Variants in ERCC6 observed in about 807,000 individuals in gnomAD.
The protein encoded by ERCC6 is ERCC excision repair 6, chromatin remodeling factor.
Under a neutral mutation model 158.7 loss-of-function variants are expected in ERCC6, and 116 were observed. The ratio of observed to expected loss-of-function variants is 0.73; its 90% CI spans 0.63 to 0.85. The LOEUF is 0.85. ERCC6 is among the 40% of genes least tolerant of loss of function. The pLI is 0.00. For missense variants in ERCC6, 1,698 were observed against 1,799.4 expected (o/e 0.94, Z 1.02); for synonymous variants, 678 against 659.3 (o/e 1.03, Z -0.43).
intron 5 of ERCC6, among the ~76,000 whole-genome samples, chr10:49,511,783 A>C (rs1476659860): frequency 3.3e-5 from 5 of 152,206 alleles, no homozygotes; most frequent in African/African-American, 1.2e-4. Flanking sequence ...GGTCACTAGA[A>C]GAGAACCCAA....
At chr10:49,437,272 C>G in the ERCC6 span, among the ~76,000 whole-genome samples, 18 of 152,220 alleles carry the variant, frequency 1.2e-4, no homozygotes, top group South Asian at 3.5e-3. Context: ...TATAAATTAC[C>G]CAGTCTCAGG....
intron 1 of ERCC6, among the ~76,000 whole-genome samples, chr10:49,538,049 C>A (rs1281272736): frequency 1.3e-5 from 2 of 152,226 alleles, no homozygotes; most frequent in African/African-American, 4.8e-5. Context: ...AAGGCTGGAA[C>A]ACCGAATTTT....
chr10:49,513,219 A>G (rs1374543701), intron 5 of ERCC6, among the ~76,000 whole-genome samples: 1 of 152,206 alleles, frequency 6.6e-6, no homozygotes, highest in Non-Finnish European at 1.5e-5. Flanking sequence ...CTACTCGGCT[A>G]GGCTCTGGCA....
chr10:49,460,776 C>A (rs935617493), intron 19 of ERCC6, among the ~76,000 whole-genome samples: 3 of 152,034 alleles, frequency 2.0e-5, no homozygotes, highest in African/African-American at 7.2e-5. Context: ...CAAAAATTAG[C>A]CTGGCATGGT....
At position 49,519,905 on chromosome 10, in the gene ERCC6, C is replaced by T. The variant is rs4253058; in HGVS notation, c.1397+4128G>A. Among the ~76,000 whole-genome samples the T allele has an allele frequency of 4.7e-3, 714 of 152,276 alleles. 5 individuals carry two copies. The highest frequency in any genetic ancestry group is 0.016 in the African/African-American group (647 of 41,544). ...AGCTCCTCCCACTCTGCACCTGCTG[C>T]CTCAGACTCCCCACGCTGAGCCCAG... On this transcript the variant is annotated intron_variant, in intron 5 of 20. Coordinates refer to ENST00000355832, the MANE Select transcript of ERCC6 (RefSeq NM_000124.4).
At chr10:49,440,504 G>C in the ERCC6 span, among the ~76,000 whole-genome samples, 1 of 152,168 alleles carries the variant, frequency 6.6e-6, no homozygotes, top group Non-Finnish European at 1.5e-5. Context: ...ACATCAGAGA[G>C]TTACCTCTGC....
chr10:49,514,530 T>C (rs1836892957), intron 5 of ERCC6, among the ~76,000 whole-genome samples: 1 of 152,330 alleles, frequency 6.6e-6, no homozygotes, highest in South Asian at 2.1e-4. Context: ...CAGACCTTAC[T>C]GCTCTATTGT....
chr10:49,533,586 G>A (rs796268799), intron 1 of ERCC6, among the ~76,000 whole-genome samples: 3 of 151,980 alleles, frequency 2.0e-5, no homozygotes, highest in Non-Finnish European at 2.9e-5. Context: ...GAAACACAGC[G>A]AGCTCAGGAC....
At chr10:49,533,033 T>C in intron 1 of ERCC6, 55 bp from the exon 2 acceptor site, 1 of 1,561,292 alleles carries the variant, frequency 6.4e-7, no homozygotes, top group Non-Finnish European at 8.7e-7. Flanking sequence ...ATTGTAGTTC[T>C]TAAATATTTT....
At chr10:49,478,293 A>C (rs758532582) in intron 11 of ERCC6, 61 bp downstream of exon 11, 16 of 1,106,088 alleles carry the variant, frequency 1.4e-5, no homozygotes, top group Non-Finnish European at 2.2e-5. Flanking sequence ...GGAGAATCAG[A>C]GTGAAGGGAA....
chr10:49,526,115 T>TATATA (rs1564443868), intron 4 of ERCC6, among the ~76,000 whole-genome samples: 63 of 105,236 alleles, frequency 6.0e-4, no homozygotes, highest in South Asian at 1.4e-3. Context: ...ATTTATATAT[T>TATATA]TTTATATATA....
chr10:49,463,429 A>G (rs976456989), intron 18 of ERCC6, among the ~76,000 whole-genome samples: 1 of 152,210 alleles, frequency 6.6e-6, no homozygotes, highest in African/African-American at 2.4e-5. Flanking sequence ...AAAAATTGCT[A>G]AAGGAGGAAT....
chr10:49,462,544 C>T (rs4253217), intron 18 of ERCC6, among the ~76,000 whole-genome samples: 63,771 of 151,518 alleles, frequency 0.42, 14,381 homozygotes, highest in Non-Finnish European at 0.5. Flanking sequence ...TAAAGGACAA[C>T]CAATGAGGAA....
chr10:49,473,619 A>T (rs1850822258), intron 13 of ERCC6, 32 bp from the exon 14 acceptor site: 1 of 1,198,726 alleles, frequency 8.3e-7, no homozygotes, highest in Non-Finnish European at 1.2e-6. Context: ...GAGTTTGCAA[A>T]GCAAATACAC....
chr10:49,530,253 G>T (rs1397664442), intron 3 of ERCC6, among the ~76,000 whole-genome samples: 1 of 152,176 alleles, frequency 6.6e-6, no homozygotes, highest in Non-Finnish European at 1.5e-5. Context: ...TACACAGATG[G>T]TCTCCAACTT....
chr10:49,483,104 T>A (rs1418373452), intron 9 of ERCC6, among the ~76,000 whole-genome samples: 1 of 152,200 alleles, frequency 6.6e-6, no homozygotes, highest in Non-Finnish European at 1.5e-5. Flanking sequence ...GAGTTGGGTT[T>A]GGTTACATTC....
intron 10 of ERCC6, among the ~76,000 whole-genome samples, chr10:49,479,730 G>A (rs572893437): frequency 1.4e-4 from 21 of 152,274 alleles, no homozygotes; most frequent in Admixed American, 2.6e-4. Context: ...CATGCTGGTT[G>A]GAGGTGCTGG....
At chr10:49,499,501 A>C (rs1301129433) in intron 7 of ERCC6, among the ~76,000 whole-genome samples, 1 of 152,172 alleles carries the variant, frequency 6.6e-6, no homozygotes, top group Non-Finnish European at 1.5e-5. Context: ...AGGCACACTG[A>C]CACTACTGTA....
chr10:49,470,061 AG>A, intron 18 of ERCC6, 120 bp downstream of exon 18: 2 of 893,270 alleles, frequency 2.2e-6, no homozygotes. Flanking sequence ...AAATTTTTGA[AG>A]AAAAACACTA....
Sources: allele counts gnomAD v4.1 joint callset (sites outside exome capture counted in the v4.1 genomes callset), GRCh38; gene constraint gnomAD v4.1.1; transcripts MANE v1.5; gene names NCBI Gene and HGNC (gene_info 2026-07-23, HGNC 2026-07-21).